GPC3: variants seen among roughly 807,000 people sequenced by gnomAD.
GPC3 encodes glypican-3.
In GPC3, 3 loss-of-function variants were observed where a neutral mutation model predicts 34.4. The observed-to-expected ratio is 0.09, with a 90% CI of 0.04 to 0.23. The LOEUF is 0.23. GPC3 is among the 10% of genes least tolerant of loss of function. The probability of loss-of-function intolerance (pLI) is 1.00; values close to 1 mark genes in which losing one functional copy is unlikely to be tolerated. For missense variants in GPC3, 351 were observed against 445.6 expected (o/e 0.79, Z 1.91); for synonymous variants, 177 against 174.0 (o/e 1.02, Z -0.13).
chrX:133,850,940 C>CAA (rs10710959), intron 2 of GPC3, among the ~76,000 whole-genome samples: 1 of 95,165 alleles, frequency 1.1e-5, no homozygotes, highest in Non-Finnish European at 2.2e-5. Context: ...ACTAAAAATA[C>CAA]AAAAAAAAAA....
At position 133,716,061 on chromosome X, in the gene GPC3, C is replaced by A. The variant is rs1268784451; in HGVS notation, c.1033-16033G>T. Among the ~76,000 whole-genome samples the A allele has an allele frequency of 2.7e-5, 3 of 112,045 alleles. No homozygotes were observed. In the South Asian group the frequency reaches 1.1e-3, roughly 42 times the overall value. ...CATTAACTTACTACCACTAAGCTAA[C>A]TGAACAAAGACTTCAACGGCTACAC... On this transcript the variant is annotated intron_variant, in intron 3 of 7. Transcript: ENST00000370818.
intron 2 of GPC3, among the ~76,000 whole-genome samples, chrX:133,756,824 T>C (rs1050317417): frequency 4.4e-5 from 5 of 112,467 alleles, no homozygotes; most frequent in Non-Finnish European, 9.4e-5. Flanking sequence ...TCTCTGGGCT[T>C]TGCCCAACCC....
chrX:133,661,621 TCTCTCTCTCTCTCC>T (rs2070724192), intron 6 of GPC3, 95 bp downstream of exon 6: 11 of 22,389 alleles, frequency 4.9e-4, no homozygotes, highest in African/African-American at 4.1e-3. Context: ...TCTCTCTCTC[TCTCTCTCTCTCTCC>T]CCCCCCCCTC....
At chrX:133,983,524 G>T (rs1381951925) in intron 1 of GPC3, among the ~76,000 whole-genome samples, 1 of 111,531 alleles carries the variant, frequency 9.0e-6, no homozygotes, top group Non-Finnish European at 1.9e-5. Context: ...GTGTGTAGAG[G>T]GGGGTTGCTA....
chrX:133,800,060 A>G (rs145065371), intron 2 of GPC3, among the ~76,000 whole-genome samples: 2 of 112,204 alleles, frequency 1.8e-5, no homozygotes, highest in Non-Finnish European at 3.8e-5. Context: ...TGACCGATTA[A>G]CCTTGCACTT....
intron 6 of GPC3, among the ~76,000 whole-genome samples, chrX:133,618,738 G>A: frequency 9.3e-6 from 1 of 107,867 alleles, no homozygotes; most frequent in Non-Finnish European, 1.9e-5. Context: ...AGGTTAAAAT[G>A]TAAGAGCAAA....
At chrX:133,837,000 A>G (rs1372580466) in intron 2 of GPC3, among the ~76,000 whole-genome samples, 2 of 112,122 alleles carry the variant, frequency 1.8e-5, no homozygotes, top group African/African-American at 6.5e-5. Flanking sequence ...CTGCGGGGAA[A>G]AAAAGCAGGT....
intron 2 of GPC3, among the ~76,000 whole-genome samples, chrX:133,790,276 A>G (rs1351251809): frequency 9.0e-6 from 1 of 111,633 alleles, no homozygotes; most frequent in Non-Finnish European, 1.9e-5. Context: ...GGCAAGGACC[A>G]GAGGTAAAGG....
At position 133,590,052 on chromosome X, in the gene GPC3, G is replaced by A. The variant is rs185514673; in HGVS notation, c.1573+6388C>T. Among the ~76,000 whole-genome samples the A allele has an allele frequency of 4.1e-4, 46 of 111,250 alleles. 1 individual carries two copies. Among genetic ancestry groups the A allele is most frequent in the African/African-American group, 1.5e-3 (45 of 30,611 alleles). ...GAGGGAATTAGTCCCTTATAAAAGG[G>A]CTGGAGAGAACTAGATAGGCTCCTT... On this transcript the variant is annotated intron_variant, in intron 7 of 7. Transcript: ENST00000370818.
intron 2 of GPC3, among the ~76,000 whole-genome samples, chrX:133,895,123 G>A (rs2076105750): frequency 8.9e-6 from 1 of 111,960 alleles, no homozygotes; most frequent in African/African-American, 3.2e-5. Context: ...CCAGGAAAGT[G>A]AGTCCAGATT....
At chrX:133,942,725 A>G (rs1395692267) in intron 2 of GPC3, among the ~76,000 whole-genome samples, 2 of 111,757 alleles carry the variant, frequency 1.8e-5, no homozygotes, top group East Asian at 5.6e-4. Context: ...CTTGTTTTAA[A>G]AAAAGATTAT....
At chrX:133,643,691 T>C (rs779902075) in intron 6 of GPC3, among the ~76,000 whole-genome samples, 3 of 111,617 alleles carry the variant, frequency 2.7e-5, no homozygotes, top group Non-Finnish European at 5.6e-5. Context: ...CTTAGCAATA[T>C]ATGATAGGTA....
At position 133,581,028 on chromosome X, in the gene GPC3, G is replaced by A. The variant is rs1413966123; in HGVS notation, c.1573+15412C>T. Among the ~76,000 whole-genome samples the A allele has an allele frequency of 3.6e-5, 4 of 112,007 alleles. No homozygotes were observed. The South Asian group carries it at 1.5e-3, about 42-fold the overall frequency. On this transcript the variant is annotated intron_variant, in intron 7 of 7. Coordinates refer to ENST00000370818, the MANE Select transcript of GPC3 (RefSeq NM_004484.4). ...ACTCTATGAAGCCAAGGCTAATACC[G>A]GCACACGGTATACATTTGTCTTAAT...
chrX:133,757,455 T>C (rs958032598), intron 2 of GPC3, among the ~76,000 whole-genome samples: 9 of 111,892 alleles, frequency 8.0e-5, no homozygotes, highest in Non-Finnish European at 1.5e-4. Flanking sequence ...CCAGGACATA[T>C]AACCTATCAC....
chrX:133,966,134 T>C (rs1308952759), intron 1 of GPC3, among the ~76,000 whole-genome samples: 7 of 112,366 alleles, frequency 6.2e-5, no homozygotes, highest in Non-Finnish European at 1.1e-4. Context: ...TGTTGGCCCA[T>C]ATTCCAGAAA....
intron 3 of GPC3, among the ~76,000 whole-genome samples, chrX:133,719,552 G>A (rs1468491750): frequency 4.5e-5 from 5 of 110,883 alleles, no homozygotes; most frequent in Admixed American, 2.9e-4. Context: ...TGGGTGCAGT[G>A]CACCAGCATG....
intron 2 of GPC3, among the ~76,000 whole-genome samples, chrX:133,846,026 T>A (rs987749635): frequency 1.7e-4 from 19 of 111,632 alleles, no homozygotes; most frequent in Admixed American, 9.5e-5. Flanking sequence ...TAATTTTGAT[T>A]AAGGGAATTC....
rs1040293800 is a variant in GPC3 at position 133,842,315 on chromosome X, CA to C, written c.338-88140del. 1.6e-4 allele frequency among the ~76,000 whole-genome samples: 16 copies of C among 98,054 alleles called. 1 individual carries two copies. The highest frequency in any genetic ancestry group is 9.2e-4 in the East Asian group (3 of 3,260). 85.1% of individuals were successfully genotyped at this position (98,054 alleles called of 115,157 possible). A position where few individuals can be genotyped will look rare whatever the true frequency, so the allele number is the denominator to read the frequency against. On this transcript the variant is annotated intron_variant, in intron 2 of 7. Transcript: ENST00000370818. ...CCTGGGCCACGGAGTGAGACTGTCT[CA>C]AAAAAAAAATAATAATAATAATTAA...
intron 7 of GPC3, among the ~76,000 whole-genome samples, chrX:133,583,068 G>A (rs1234567053): frequency 9.0e-6 from 1 of 111,509 alleles, no homozygotes; most frequent in East Asian, 2.8e-4. Flanking sequence ...GTAAGGATCC[G>A]TTTTCTTAGG....
Sources: allele counts gnomAD v4.1 joint callset (sites outside exome capture counted in the v4.1 genomes callset), GRCh38; gene constraint gnomAD v4.1.1; transcripts MANE v1.5; gene names NCBI Gene and HGNC (gene_info 2026-07-23, HGNC 2026-07-21).